UBXN4: variants seen among roughly 807,000 people sequenced by gnomAD.
UBXN4 encodes the protein UBX domain protein 4.
A neutral mutation model predicts 66.2 loss-of-function variants in UBXN4; 35 were observed. The ratio of observed to expected loss-of-function variants is 0.53; its 90% confidence interval spans 0.40 to 0.70. The LOEUF is 0.70. Ranked by LOEUF, UBXN4 falls within the 30% of genes least tolerant of loss-of-function variation. The pLI, the probability that UBXN4 is intolerant of heterozygous loss-of-function variation, is 0.00. For synonymous variants in UBXN4, 203 were observed against 204.5 expected, an observed-to-expected ratio of 0.99 and a Z score of 0.06; for missense variants, 533 against 599.8, an observed-to-expected ratio of 0.89 and a Z score of 1.16.
At chr2:135,775,127 A>G (rs554626147) in intron 9 of UBXN4, among the ~76,000 whole-genome samples, 2 of 152,352 alleles carry the variant, frequency 1.3e-5, no homozygotes, top group African/African-American at 4.8e-5. Context: ...AAGTATGCCT[A>G]AATGTAAAGA....
chr2:135,782,425 T>A (rs2105511508), intron 12 of UBXN4, among the ~76,000 whole-genome samples: 1 of 152,346 alleles, frequency 6.6e-6, no homozygotes, highest in Non-Finnish European at 1.5e-5. Flanking sequence ...AATGTCGGCT[T>A]GCATAAATAA....
chr2:135,770,458 G>T, intron 7 of UBXN4, 113 bp from the exon 8 acceptor site: 1 of 703,048 alleles, frequency 1.4e-6, no homozygotes, highest in Non-Finnish European at 2.2e-6. Flanking sequence ...AACTCGTCTA[G>T]ACTTACATTT....
intron 5 of UBXN4, 118 bp downstream of exon 5, chr2:135,755,809 A>C (rs778759537): frequency 6.4e-5 from 43 of 674,262 alleles, no homozygotes; most frequent in Non-Finnish European, 8.1e-5. Flanking sequence ...TATTTAACTT[A>C]AAATTTAAGA....
chr2:135,766,904 TGTG>T (rs2077351781), intron 6 of UBXN4, among the ~76,000 whole-genome samples: 1 of 152,218 alleles, frequency 6.6e-6, no homozygotes, highest in Non-Finnish European at 1.5e-5. Context: ...GTTTAAAAAT[TGTG>T]GTATTTTTCT....
At chr2:135,742,964 C>A (rs2077186167) in intron 1 of UBXN4, among the ~76,000 whole-genome samples, 1 of 152,156 alleles carries the variant, frequency 6.6e-6, no homozygotes, top group African/African-American at 2.4e-5. Flanking sequence ...CCATATTCTC[C>A]TGTTTTATTA....
intron 2 of UBXN4, among the ~76,000 whole-genome samples, chr2:135,750,472 C>T (rs1559537832): frequency 1.3e-5 from 2 of 151,946 alleles, no homozygotes; most frequent in Non-Finnish European, 2.9e-5. Context: ...CACCACTGCA[C>T]TCCAGCCTGG....
At chr2:135,747,101 T>A (rs1404725393) in intron 1 of UBXN4, among the ~76,000 whole-genome samples, 1 of 151,578 alleles carries the variant, frequency 6.6e-6, no homozygotes, top group Non-Finnish European at 1.5e-5. Context: ...AAGGATGGAG[T>A]TACCATAAAC....
chr2:135,749,163 A>G (rs371267357), intron 2 of UBXN4, among the ~76,000 whole-genome samples: 2 of 152,118 alleles, frequency 1.3e-5, no homozygotes, highest in Non-Finnish European at 2.9e-5. Flanking sequence ...AAGCTTTCCT[A>G]CTCTACCAAG....
Position 135,780,362 on chromosome 2 carries a change from A to C in UBXN4, c.1365A>C (p.Ala455=). Reference sequence around the variant, plus strand: ...CATCGTCAGAACCCCCAAACCCTGCATCATCTAGCAAATCAGAAAAAAGGT... The same window carrying C: ...CATCGTCAGAACCCCCAAACCCTGCCTCATCTAGCAAATCAGAAAAAAGGT... ...RVTSSEPPNP[A]SSSKSEKREP... The change falls in exon 12 of 13, where the codon GCA becomes GCC. Residue 455 remains alanine, a synonymous_variant. Coordinates refer to ENST00000272638, the MANE Select transcript of UBXN4 (RefSeq NM_014607.4). 1 of 1,614,162 alleles carries C rather than the reference A, an allele frequency of 6.2e-7. No individual in the cohort carries two copies.
chr2:135,770,231 A>G (rs73958630), intron 7 of UBXN4, among the ~76,000 whole-genome samples: 4,875 of 152,260 alleles, frequency 0.032, 242 homozygotes, highest in African/African-American at 0.11. Flanking sequence ...ACTGTGTAGC[A>G]TGTCTTTGGA....
rs558093992 is a variant in UBXN4 at position 135,772,183 on chromosome 2, A to G, written c.823-237A>G. 2.6e-5 allele frequency among the ~76,000 whole-genome samples: 4 copies of G among 152,226 alleles called. No individual in the cohort carries two copies. The East Asian group carries it at 5.8e-4, about 22-fold the overall frequency. On this transcript the variant is annotated intron_variant, in intron 8 of 12. Coordinates refer to ENST00000272638, the MANE Select transcript of UBXN4 (RefSeq NM_014607.4). ...AGAAAAGAAAAAAAATTAGCTGGGC[A>G]TGGTGGCACACACCTGTAGTCCCAG...
intron 11 of UBXN4, among the ~76,000 whole-genome samples, chr2:135,779,847 A>G (rs887126169): frequency 4.6e-4 from 65 of 139,800 alleles, no homozygotes; most frequent in African/African-American, 1.6e-3. Context: ...TACAATTATT[A>G]TATAAAATAA....
At chr2:135,765,641 T>C (rs1250346315) in intron 6 of UBXN4, among the ~76,000 whole-genome samples, 1 of 151,282 alleles carries the variant, frequency 6.6e-6, no homozygotes, top group African/African-American at 2.5e-5. Context: ...CATCTTTTAA[T>C]TTTTTTCTTT....
At position 135,755,543 on chromosome 2, in the gene UBXN4, A is replaced by T; in HGVS notation, c.360A>T (p.Ser120=). Residue 120 remains serine, a synonymous_variant, in exon 5 of 13, where the codon TCA becomes TCT. Transcript: ENST00000272638. ...TGCATTTGCTAAAAAGTGAAACATC[A>T]GTAGCAAATGGCAGTCAGTCAGAAA... ...RQMHLLKSET[S]VANGSQSESS... 2 of 1,596,372 alleles carry T rather than the reference A, an allele frequency of 1.3e-6. No homozygotes were observed. Among genetic ancestry groups the T allele is most frequent in the South Asian group, 1.1e-5 (1 of 87,768 alleles).
intron 9 of UBXN4, among the ~76,000 whole-genome samples, chr2:135,775,466 A>G (rs1385859052): frequency 2.0e-5 from 3 of 152,232 alleles, no homozygotes; most frequent in African/African-American, 4.8e-5. Context: ...AGCAATAGGA[A>G]TAAGAACTGA....
intron 6 of UBXN4, among the ~76,000 whole-genome samples, chr2:135,765,371 G>A (rs28453840): frequency 0.52 from 78,417 of 151,446 alleles, 25,032 homozygotes; most frequent in Non-Finnish European, 0.73. Flanking sequence ...CACCACACCC[G>A]GCTAATTTTT....
In UBXN4 at chr2:135,745,136, G is replaced by T. The variant is rs566858411; in HGVS notation, c.82+3125G>T. Among the ~76,000 whole-genome samples the T allele has an allele frequency of 2.0e-5, 3 of 152,350 alleles. No homozygotes were observed. The South Asian group carries it at 6.2e-4, about 32-fold the overall frequency. On this transcript the variant is annotated intron_variant, in intron 1 of 12. Transcript: ENST00000272638. ...GCTGCCTAAACCTGTGTTTCTCCCA[G>T]TGTTCTGCATCTGATTGGCACTACC...
In UBXN4 at chr2:135,741,986, C is replaced by T. The variant is rs746134542; in HGVS notation, c.57C>T (p.Gly19=). The T allele has an allele frequency of 2.5e-6, 4 of 1,613,420 alleles. No individual in the cohort carries two copies. Among genetic ancestry groups the T allele is most frequent in the Non-Finnish European group, 3.4e-6 (4 of 1,179,690 alleles). The change falls in exon 1 of 13, where the codon GGC becomes GGT. Residue 19 remains glycine (G), a synonymous_variant. Coordinates refer to ENST00000272638, the MANE Select transcript of UBXN4 (RefSeq NM_014607.4). ...PAAIATAKRS[G]AVFVVFVAGD... ...CCATCGCGACGGCCAAAAGGAGCGG[C>T]GCGGTCTTCGTGGTGTTCGTGGCAG...
intron 1 of UBXN4, among the ~76,000 whole-genome samples, chr2:135,744,786 A>G (rs1037826430): frequency 2.6e-5 from 4 of 152,240 alleles, no homozygotes; most frequent in Admixed American, 6.5e-5. Context: ...ATAGTTGATA[A>G]TTTGATTAAA....
Sources: gnomAD v4.1 joint callset for allele counts (sites outside exome capture counted in the v4.1 genomes callset) on GRCh38, gnomAD v4.1.1 for gene constraint, MANE v1.5 for transcripts, NCBI Gene and HGNC (gene_info 2026-07-23, HGNC 2026-07-21) for gene names.